ABTB3: variants seen among roughly 807,000 people sequenced by gnomAD.
ABTB3 encodes ankyrin repeat and BTB domain containing 3, also known as ankyrin repeat- and BTB/POZ domain-containing protein 3.
At chr12:107,342,919 T>C in the ABTB3 span, among the ~76,000 whole-genome samples, 2 of 152,224 alleles carry the variant, frequency 1.3e-5, no homozygotes, top group Non-Finnish European at 2.9e-5. Flanking sequence ...GTATGTCCTT[T>C]TGCTGTTGAA....
At chr12:107,523,583 A>G in the ABTB3 span, among the ~76,000 whole-genome samples, 2 of 152,064 alleles carry the variant, frequency 1.3e-5, no homozygotes, top group Non-Finnish European at 2.9e-5. Flanking sequence ...TTTCTTTTTT[A>G]ATTAGCATGT....
At chr12:107,429,028 G>A in the ABTB3 span, among the ~76,000 whole-genome samples, 1 of 152,228 alleles carries the variant, frequency 6.6e-6, no homozygotes, top group Non-Finnish European at 1.5e-5. Context: ...GAAGGTCCAG[G>A]GGAAAGAGAG....
chr12:107,455,710 G>A, the ABTB3 span, among the ~76,000 whole-genome samples: 22 of 152,324 alleles, frequency 1.4e-4, no homozygotes, highest in African/African-American at 5.3e-4. Flanking sequence ...TAGGTCAGCT[G>A]TAGGACGGGG....
At chr12:107,418,536 T>C in the ABTB3 span, among the ~76,000 whole-genome samples, 5 of 152,208 alleles carry the variant, frequency 3.3e-5, no homozygotes, top group African/African-American at 1.2e-4. Flanking sequence ...GCCACTGTGG[T>C]CTTTTCTCAG....
the ABTB3 span, among the ~76,000 whole-genome samples, chr12:107,331,813 A>G: frequency 6.6e-6 from 1 of 152,030 alleles, no homozygotes; most frequent in Non-Finnish European, 1.5e-5. Flanking sequence ...TGCGGCTGCC[A>G]TTGTTGGGGC....
the ABTB3 span, among the ~76,000 whole-genome samples, chr12:107,380,512 A>G: frequency 0.91 from 138,233 of 152,222 alleles, 62,829 homozygotes; most frequent in East Asian, 0.97. Flanking sequence ...GTGGTCTGAA[A>G]GAGGACCACG....
chr12:107,375,787 T>C, the ABTB3 span, among the ~76,000 whole-genome samples: 1 of 152,186 alleles, frequency 6.6e-6, no homozygotes, highest in Non-Finnish European at 1.5e-5. Context: ...AATTGTTCTT[T>C]ATGGACTTCT....
the ABTB3 span, among the ~76,000 whole-genome samples, chr12:107,483,156 C>G: frequency 1.1e-4 from 16 of 151,900 alleles, no homozygotes; most frequent in Non-Finnish European, 2.4e-4. Context: ...GCCTCTGGAG[C>G]AGCTAGGACT....
chr12:107,544,206 G>A, the ABTB3 span: 30 of 1,503,722 alleles, frequency 2.0e-5, no homozygotes, highest in Non-Finnish European at 2.6e-5. Flanking sequence ...AAGTGTCCAG[G>A]ATGGGGAGGA....
At chr12:107,581,940 G>C in the ABTB3 span, among the ~76,000 whole-genome samples, 1 of 152,110 alleles carries the variant, frequency 6.6e-6, no homozygotes, top group Admixed American at 6.5e-5. Flanking sequence ...GCACGCACAC[G>C]AACACACCTA....
the ABTB3 span, among the ~76,000 whole-genome samples, chr12:107,352,586 A>G: frequency 6.6e-6 from 1 of 152,140 alleles, no homozygotes; most frequent in South Asian, 2.1e-4. Flanking sequence ...ATACCAAGCC[A>G]TGGGCCCCAG....
chr12:107,398,516 C>G, the ABTB3 span, among the ~76,000 whole-genome samples: 2 of 152,248 alleles, frequency 1.3e-5, no homozygotes, highest in Non-Finnish European at 2.9e-5. Flanking sequence ...GCAGCATTTT[C>G]ATATTGCTAC....
the ABTB3 span, among the ~76,000 whole-genome samples, chr12:107,651,480 C>T: frequency 4.6e-5 from 7 of 152,108 alleles, no homozygotes; most frequent in African/African-American, 1.4e-4. Flanking sequence ...CCCGCTCCCC[C>T]GTCTTCCCCC....
chr12:107,333,864 C>T, the ABTB3 span, among the ~76,000 whole-genome samples: 6 of 152,070 alleles, frequency 3.9e-5, no homozygotes, highest in Admixed American at 6.5e-5. Flanking sequence ...TAAGGGGAAT[C>T]GGGAGAGTAG....
the ABTB3 span, among the ~76,000 whole-genome samples, chr12:107,566,737 G>A: frequency 6.6e-6 from 1 of 151,430 alleles, no homozygotes; most frequent in East Asian, 1.9e-4. Flanking sequence ...ACTGCAGCAA[G>A]TTCAATCCAG....
the ABTB3 span, among the ~76,000 whole-genome samples, chr12:107,372,271 C>T: frequency 6.6e-6 from 1 of 152,178 alleles, no homozygotes; most frequent in Non-Finnish European, 1.5e-5. Context: ...GGTCTTGCAA[C>T]TCCTTCCCCA....
the ABTB3 span, among the ~76,000 whole-genome samples, chr12:107,621,456 G>A: frequency 6.6e-5 from 10 of 152,134 alleles, no homozygotes; most frequent in African/African-American, 1.9e-4. Flanking sequence ...GGGTTCTATC[G>A]TTTTGAGGTT....
chr12:107,519,913 C>T, the ABTB3 span, among the ~76,000 whole-genome samples: 1 of 152,138 alleles, frequency 6.6e-6, no homozygotes, highest in Non-Finnish European at 1.5e-5. Context: ...CCAGGGATTT[C>T]CCATGGGTAT....
the ABTB3 span, among the ~76,000 whole-genome samples, chr12:107,620,581 G>A: frequency 1.0e-3 from 158 of 152,274 alleles, no homozygotes; most frequent in African/African-American, 3.6e-3. Flanking sequence ...ACTAGACCAC[G>A]CGGGGATGGA....
Sources: allele counts gnomAD v4.1 joint callset (sites outside exome capture counted in the v4.1 genomes callset), GRCh38; gene constraint gnomAD v4.1.1; transcripts MANE v1.5; gene names NCBI Gene and HGNC (gene_info 2026-07-23, HGNC 2026-07-21).